LDLRAD3: variants seen among roughly 807,000 people sequenced by gnomAD.
LDLRAD3 encodes low-density lipoprotein receptor class A domain-containing protein 3.
In LDLRAD3, 20 loss-of-function variants were observed where a neutral mutation model predicts 29.4. That is an observed-to-expected ratio of 0.68 (90% confidence interval 0.48 to 0.99). LDLRAD3 has a LOEUF of 0.99. Among genes scored for constraint, LDLRAD3 ranks in the 50% least tolerant of loss-of-function variants. The pLI is 0.00. For synonymous variants in LDLRAD3, 157 were observed against 192.7 expected, an observed-to-expected ratio of 0.81 and a Z score of 1.53; for missense variants, 420 against 454.3, an observed-to-expected ratio of 0.92 and a Z score of 0.69.
At chr11:35,945,639 A>AT (rs147215018) in intron 1 of LDLRAD3, among the ~76,000 whole-genome samples, 6,028 of 152,246 alleles carry the variant, frequency 0.04, 204 homozygotes, top group Admixed American at 0.1. Flanking sequence ...ACCTGTTTGG[A>AT]TTCACAAATT....
chr11:35,959,391 T>A (rs751748362), intron 1 of LDLRAD3, among the ~76,000 whole-genome samples: 2 of 152,218 alleles, frequency 1.3e-5, no homozygotes, highest in Non-Finnish European at 2.9e-5. Flanking sequence ...CGTGTAGAAC[T>A]TAACACACAG....
intron 2 of LDLRAD3, among the ~76,000 whole-genome samples, chr11:36,062,920 A>G (rs994233215): frequency 6.6e-5 from 10 of 152,224 alleles, no homozygotes; most frequent in African/African-American, 2.4e-4. Context: ...ACCCACTAAA[A>G]CTAGCTTTGT....
chr11:35,994,133 T>C (rs2133170237), intron 1 of LDLRAD3, among the ~76,000 whole-genome samples: 1 of 152,008 alleles, frequency 6.6e-6, no homozygotes, highest in Non-Finnish European at 1.5e-5. Context: ...TCCGGGAGCC[T>C]ACCATACCTC....
rs184228713 is a variant in LDLRAD3 at position 36,044,940 on chromosome 11, G to A, written c.193+8691G>A. On this transcript the variant is annotated intron_variant, in intron 2 of 5. Coordinates refer to ENST00000315571, the MANE Select transcript of LDLRAD3 (RefSeq NM_174902.4). The stretch of plus-strand genomic sequence containing the variant: ...TTTAATGACGATATTTTGCTTCAGC[G>A]CTCAGGCTTCTCAGCCTCCATGAGT... Among the ~76,000 whole-genome samples the A allele has an allele frequency of 2.7e-3, 412 of 152,336 alleles. 4 individuals are homozygous for A. Among genetic ancestry groups the A allele is most frequent in the Admixed American group, 5.9e-3 (90 of 15,304 alleles).
chr11:35,978,115 G>T (rs2133153920), intron 1 of LDLRAD3, among the ~76,000 whole-genome samples: 1 of 152,224 alleles, frequency 6.6e-6, no homozygotes, highest in African/African-American at 2.4e-5. Flanking sequence ...GGCACAGTGG[G>T]GATCTTCTTA....
intron 2 of LDLRAD3, among the ~76,000 whole-genome samples, chr11:36,044,911 G>A (rs980023043): frequency 5.3e-5 from 8 of 152,212 alleles, no homozygotes; most frequent in African/African-American, 1.7e-4. Flanking sequence ...ACACCTAAGT[G>A]GATTTTAATG....
chr11:36,188,505 CT>C (rs1414488738), intron 4 of LDLRAD3, among the ~76,000 whole-genome samples: 1 of 151,478 alleles, frequency 6.6e-6, no homozygotes, highest in Non-Finnish European at 1.5e-5. Context: ...ACCAGATATA[CT>C]TCCAGAAGGC....
rs527463178 is a variant in LDLRAD3 at position 35,945,793 on chromosome 11, A to G, written c.46+1649A>G. Among the ~76,000 whole-genome samples, 4 of 152,326 alleles carry G rather than the reference A, an allele frequency of 2.6e-5. No homozygotes were observed. In the South Asian group the frequency reaches 8.3e-4, roughly 32 times the overall value. ...CTCCCAGTTGGTACTGGGTTGCTTT[A>G]GTTGAGTCTCCATCTCTGTAAAAAT... On this transcript the variant is annotated intron_variant, in intron 1 of 5. Coordinates refer to ENST00000315571, the MANE Select transcript of LDLRAD3 (RefSeq NM_174902.4).
chr11:35,946,388 AAAGCCACTGACATTCC>A (rs1851057284), intron 1 of LDLRAD3, among the ~76,000 whole-genome samples: 1 of 152,262 alleles, frequency 6.6e-6, no homozygotes, highest in African/African-American at 2.4e-5. Context: ...GTGGGGCTGG[AAAGCCACTGACATTCC>A]AAGAGCAGTT....
intron 1 of LDLRAD3, among the ~76,000 whole-genome samples, chr11:35,999,992 A>G (rs957022175): frequency 2.0e-5 from 3 of 152,180 alleles, no homozygotes; most frequent in Admixed American, 6.5e-5. Context: ...TATCCATCTC[A>G]GGGGACTGGG....
At chr11:36,207,072 A>G (rs1037160635) in intron 4 of LDLRAD3, among the ~76,000 whole-genome samples, 2 of 152,084 alleles carry the variant, frequency 1.3e-5, no homozygotes, top group Non-Finnish European at 2.9e-5. Context: ...AAGATCTCTC[A>G]TGTGATTGCA....
At chr11:36,027,430 C>T (rs1450547411) in intron 1 of LDLRAD3, among the ~76,000 whole-genome samples, 1 of 152,112 alleles carries the variant, frequency 6.6e-6, no homozygotes, top group African/African-American at 2.4e-5. Flanking sequence ...TAGTTTGTGG[C>T]TTCTCTTTCA....
At chr11:36,222,016 G>T (rs892522303) in intron 4 of LDLRAD3, among the ~76,000 whole-genome samples, 2 of 152,140 alleles carry the variant, frequency 1.3e-5, no homozygotes, top group African/African-American at 4.8e-5. Context: ...TAAACATTTG[G>T]ATTGTTTCTG....
intron 4 of LDLRAD3, among the ~76,000 whole-genome samples, chr11:36,137,803 T>G (rs1017164251): frequency 1.3e-5 from 2 of 152,358 alleles, no homozygotes; most frequent in Admixed American, 1.3e-4. Flanking sequence ...TTGCTGCCGC[T>G]CTTCCCTGCT....
intron 2 of LDLRAD3, among the ~76,000 whole-genome samples, chr11:36,038,403 T>A (rs905487237): frequency 6.6e-6 from 1 of 152,164 alleles, no homozygotes; most frequent in Non-Finnish European, 1.5e-5. Flanking sequence ...TGAGATATGG[T>A]GTATATTTCA....
intron 4 of LDLRAD3, among the ~76,000 whole-genome samples, chr11:36,150,886 T>C (rs1854269441): frequency 6.6e-6 from 1 of 152,192 alleles, no homozygotes; most frequent in South Asian, 2.1e-4. Flanking sequence ...TAATGAGCCT[T>C]CCTGACCTCC....
At chr11:36,080,997 T>C (rs1356583900) in intron 2 of LDLRAD3, among the ~76,000 whole-genome samples, 2 of 140,374 alleles carry the variant, frequency 1.4e-5, no homozygotes, top group African/African-American at 6.2e-5. Flanking sequence ...AAAGCAGGGG[T>C]GTTCAGTGTA....
At chr11:36,109,936 C>G (rs1363691727) in intron 4 of LDLRAD3, 1 of 152,158 alleles carries the variant, frequency 6.6e-6, no homozygotes, top group African/African-American at 2.4e-5. Flanking sequence ...TAGAATGAAG[C>G]TGCTGGAGGT....
intron 1 of LDLRAD3, among the ~76,000 whole-genome samples, chr11:35,951,349 G>C (rs1851133196): frequency 6.6e-6 from 1 of 151,928 alleles, no homozygotes; most frequent in Non-Finnish European, 1.5e-5. Flanking sequence ...GTAGTTTTTT[G>C]GCTGGCTTTT....
Sources: gnomAD v4.1 joint callset for allele counts (sites outside exome capture counted in the v4.1 genomes callset) on GRCh38, gnomAD v4.1.1 for gene constraint, MANE v1.5 for transcripts, NCBI Gene and HGNC (gene_info 2026-07-23, HGNC 2026-07-21) for gene names.